Variants in FRMD5 observed in about 807,000 individuals in gnomAD.
FRMD5 encodes the protein FERM domain-containing protein 5.
Under a neutral mutation model 69.0 loss-of-function variants are expected in FRMD5, and 20 were observed. The observed-to-expected ratio is 0.29, with a 90% CI of 0.20 to 0.42. FRMD5 has a LOEUF of 0.42. Among genes scored for constraint, FRMD5 ranks in the 10% least tolerant of loss-of-function variants. The probability of loss-of-function intolerance (pLI) is 1.00; values close to 1 mark genes in which losing one functional copy is unlikely to be tolerated. For synonymous variants in FRMD5, 271 were observed against 260.1 expected (o/e 1.04, Z -0.40); for missense variants, 595 against 708.6 (o/e 0.84, Z 1.82).
intron 1 of FRMD5, among the ~76,000 whole-genome samples, chr15:44,149,148 ACT>A (rs1362840459): frequency 6.6e-6 from 1 of 152,194 alleles, no homozygotes; most frequent in East Asian, 1.9e-4. Context: ...TGGGGACAGA[ACT>A]GTAAAGCATA....
chr15:44,010,384 A>C (rs1384517942), intron 1 of FRMD5, among the ~76,000 whole-genome samples: 2 of 142,894 alleles, frequency 1.4e-5, no homozygotes, highest in Non-Finnish European at 1.5e-5. Context: ...ATCTCTTCTC[A>C]ATCTTTTTTC....
chr15:44,187,919 A>C (rs1213634571), intron 1 of FRMD5, among the ~76,000 whole-genome samples: 2 of 152,156 alleles, frequency 1.3e-5, no homozygotes, highest in African/African-American at 4.8e-5. Context: ...CTCCTTTGAA[A>C]AACAATTATT....
At chr15:43,879,018 G>T (rs1010124740) in intron 13 of FRMD5, among the ~76,000 whole-genome samples, 1 of 142,236 alleles carries the variant, frequency 7.0e-6, no homozygotes, top group African/African-American at 2.6e-5. Flanking sequence ...GCTCACTGCA[G>T]CCTCCGACCC....
chr15:44,084,138 C>T lies in FRMD5; in HGVS notation c.102+110815G>A, dbSNP rs562962431. On this transcript the variant is annotated intron_variant, in intron 1 of 13. Coordinates refer to ENST00000417257, the MANE Select transcript of FRMD5 (RefSeq NM_032892.5). Reference sequence around the variant, plus strand: ...GACCTTGGGCAATGTTTAATAACCTCTGTATCTGAATGTCCCACCTATATA... The same window carrying T: ...GACCTTGGGCAATGTTTAATAACCTTTGTATCTGAATGTCCCACCTATATA... 3.3e-5 allele frequency among the ~76,000 whole-genome samples: 5 copies of T among 152,170 alleles called. No homozygotes were observed. In the South Asian group the frequency reaches 8.3e-4, roughly 25 times the overall value.
chr15:43,976,675 T>C (rs2090467695), intron 1 of FRMD5, among the ~76,000 whole-genome samples: 1 of 152,180 alleles, frequency 6.6e-6, no homozygotes, highest in Non-Finnish European at 1.5e-5. Flanking sequence ...GTTTCTTTTT[T>C]TTATTTTTGA....
intron 1 of FRMD5, among the ~76,000 whole-genome samples, chr15:44,024,198 C>T (rs969803402): frequency 1.3e-5 from 2 of 151,878 alleles, no homozygotes; most frequent in Non-Finnish European, 2.9e-5. Flanking sequence ...TGTGGCAGAT[C>T]ATTTGTTTTA....
At chr15:43,927,781 G>A (rs1293995174) in intron 1 of FRMD5, among the ~76,000 whole-genome samples, 6 of 151,676 alleles carry the variant, frequency 4.0e-5, no homozygotes, top group Admixed American at 6.6e-5. Context: ...ACTACAGTAT[G>A]ATGTGAGTTT....
chr15:44,034,815 G>C (rs1891837411), intron 1 of FRMD5, among the ~76,000 whole-genome samples: 4 of 152,142 alleles, frequency 2.6e-5, no homozygotes, highest in Admixed American at 2.6e-4. Context: ...AAACACCGAT[G>C]AGTTCTACAT....
At chr15:44,096,337 A>G (rs571590949) in intron 1 of FRMD5, among the ~76,000 whole-genome samples, 1 of 151,388 alleles carries the variant, frequency 6.6e-6, no homozygotes, top group Admixed American at 6.6e-5. Flanking sequence ...GCATAAGCCC[A>G]CTCATTTAAC....
intron 1 of FRMD5, among the ~76,000 whole-genome samples, chr15:44,116,324 A>G (rs1294922807): frequency 6.6e-6 from 1 of 151,686 alleles, no homozygotes; most frequent in Non-Finnish European, 1.5e-5. Flanking sequence ...CAGTGATACA[A>G]TCATAGCTCA....
intron 1 of FRMD5, among the ~76,000 whole-genome samples, chr15:44,075,406 G>C (rs1451774631): frequency 6.6e-6 from 1 of 151,912 alleles, no homozygotes; most frequent in Non-Finnish European, 1.5e-5. Flanking sequence ...AAATATTAAA[G>C]GAGTTAAGGA....
intron 1 of FRMD5, among the ~76,000 whole-genome samples, chr15:44,053,821 A>G (rs1892763243): frequency 6.6e-6 from 1 of 152,246 alleles, no homozygotes; most frequent in South Asian, 2.1e-4. Context: ...TAAATTTGAT[A>G]TAGTTACTAA....
At chr15:43,956,145 T>C (rs910802477) in intron 1 of FRMD5, among the ~76,000 whole-genome samples, 1 of 152,230 alleles carries the variant, frequency 6.6e-6, no homozygotes, top group African/African-American at 2.4e-5. Context: ...TTATTCTTAA[T>C]TGACACAATA....
chr15:44,064,757 G>A (rs1293186842), intron 1 of FRMD5, among the ~76,000 whole-genome samples: 1 of 152,080 alleles, frequency 6.6e-6, no homozygotes, highest in African/African-American at 2.4e-5. Flanking sequence ...AACTATTTTG[G>A]GTAACCAAAT....
At position 43,990,044 on chromosome 15, in the gene FRMD5, T is replaced by C. The variant is rs191163272; in HGVS notation, c.103-65735A>G. 382 of 766,114 alleles carry C rather than the reference T, an allele frequency of 5.0e-4. 1 individual carries two copies. The East Asian group carries it at 7.9e-3, about 16-fold the overall frequency. The allele number at this position is 766,114 out of a possible 1,614,324, so 47.5% of individuals were successfully genotyped here. ...CCCACATAGGAGTCCTTCTGACCCATGCCCACCGTCACGCCCTGGTGTCTG... is the reference window on the plus strand; with the variant it reads ...CCCACATAGGAGTCCTTCTGACCCACGCCCACCGTCACGCCCTGGTGTCTG... On this transcript the variant is annotated intron_variant, in intron 1 of 13. Coordinates refer to ENST00000417257, the MANE Select transcript of FRMD5 (RefSeq NM_032892.5).
chr15:44,139,321 AC>A, intron 1 of FRMD5, among the ~76,000 whole-genome samples: 1 of 151,684 alleles, frequency 6.6e-6, no homozygotes, highest in Non-Finnish European at 1.5e-5. Context: ...ACACACACAC[AC>A]ACACACACTT....
chr15:44,123,162 T>C (rs183072259), intron 1 of FRMD5, among the ~76,000 whole-genome samples: 57 of 152,044 alleles, frequency 3.7e-4, no homozygotes, highest in African/African-American at 8.9e-4. Context: ...CTGGCCAACA[T>C]GGTGAAACCC....
chr15:44,154,475 T>C (rs1170551285), intron 1 of FRMD5, among the ~76,000 whole-genome samples: 1 of 152,224 alleles, frequency 6.6e-6, no homozygotes, highest in Non-Finnish European at 1.5e-5. Context: ...AGCTTTTACT[T>C]TGGGATTAAT....
At chr15:43,952,469 G>A (rs750227873) in intron 1 of FRMD5, among the ~76,000 whole-genome samples, 4 of 152,128 alleles carry the variant, frequency 2.6e-5, no homozygotes, top group Non-Finnish European at 5.9e-5. Context: ...CCTTATCAGG[G>A]TATTGCAAAC....
Sources: gnomAD v4.1 joint callset for allele counts (sites outside exome capture counted in the v4.1 genomes callset) on GRCh38, gnomAD v4.1.1 for gene constraint, MANE v1.5 for transcripts, NCBI Gene and HGNC (gene_info 2026-07-23, HGNC 2026-07-21) for gene names.